GPR137B: variants seen among roughly 807,000 people sequenced by gnomAD.
GPR137B encodes the protein integral membrane protein GPR137B.
Under a neutral mutation model 42.5 loss-of-function variants are expected in GPR137B, and 42 were observed. The ratio of observed to expected loss-of-function variants is 0.99; its 90% CI spans 0.77 to 1.28. GPR137B has a LOEUF of 1.28. GPR137B is among the 50% of genes most tolerant of loss of function. The pLI, the probability that GPR137B is intolerant of heterozygous loss-of-function variation, is 0.00. For synonymous variants in GPR137B, 218 were observed against 209.7 expected, an observed-to-expected ratio of 1.04 and a Z score of -0.34; for missense variants, 487 against 493.9, an observed-to-expected ratio of 0.99 and a Z score of 0.13.
rs1459433325 is a variant in GPR137B at position 236,183,771 on chromosome 1, C to T, written c.838-7C>T. On this transcript the variant is annotated splice_region_variant and splice_polypyrimidine_tract_variant and intron_variant, in intron 4 of 6. Coordinates refer to ENST00000366592, the MANE Select transcript of GPR137B (RefSeq NM_003272.4). ...GTCTGATGACTCTCCCTGTCTGTTT[C>T]TAACAGGCAGATTTGAAGAATCAGC... is the stretch of plus-strand genomic sequence containing the variant. 6.2e-7 allele frequency: 1 copy of T among 1,601,536 alleles called. No homozygotes were observed. The highest frequency in any genetic ancestry group is 1.1e-5 in the South Asian group (1 of 89,894).
chr1:236,208,502 A>T lies in GPR137B; in HGVS notation c.*344A>T, dbSNP rs1451395164. On this transcript the variant is annotated 3_prime_UTR_variant, in exon 7 of 7. Coordinates refer to ENST00000366592, the MANE Select transcript of GPR137B (RefSeq NM_003272.4). ...ACTGCAATCATGTTGTAGTTTGCAC[A>T]GACTTTTATGCATAATTCACTTTAA... 1.1e-6 allele frequency: 1 copy of T among 950,120 alleles called. No homozygotes were observed. The highest frequency in any genetic ancestry group is 1.3e-6 in the Non-Finnish European group (1 of 785,942). The allele number at this position is 950,120 out of a possible 1,614,324, so 58.9% of individuals were successfully genotyped here. A position where few individuals can be genotyped will look rare whatever the true frequency, so the allele number is the denominator to read the frequency against.
At chr1:236,184,255 T>C (rs1268179843) in intron 5 of GPR137B, among the ~76,000 whole-genome samples, 1 of 151,902 alleles carries the variant, frequency 6.6e-6, no homozygotes, top group African/African-American at 2.4e-5. Flanking sequence ...CAAAGGAAAA[T>C]AGAGAATAGA....
intron 1 of GPR137B, among the ~76,000 whole-genome samples, chr1:236,165,775 A>G (rs552260422): frequency 6.6e-6 from 1 of 152,312 alleles, no homozygotes; most frequent in Non-Finnish European, 1.5e-5. Flanking sequence ...AGGCTCTGAC[A>G]ATTCCTGCAG....
intron 4 of GPR137B, among the ~76,000 whole-genome samples, chr1:236,180,746 A>G (rs1340474431): frequency 6.6e-6 from 1 of 151,034 alleles, no homozygotes; most frequent in Non-Finnish European, 1.5e-5. Flanking sequence ...CCTCCAGAGT[A>G]GCTGGGATAA....
chr1:236,167,755 T>A (rs1558484257), intron 1 of GPR137B, among the ~76,000 whole-genome samples: 1 of 152,050 alleles, frequency 6.6e-6, no homozygotes, highest in Non-Finnish European at 1.5e-5. Context: ...CCCACTGAGA[T>A]CCCCATGAGC....
At position 236,150,853 on chromosome 1, in the gene GPR137B, C is replaced by T. The variant is rs955905722; in HGVS notation, c.414+7817C>T. On this transcript the variant is annotated intron_variant, in intron 1 of 6. Coordinates refer to ENST00000366592, the MANE Select transcript of GPR137B (RefSeq NM_003272.4). The surrounding 1 kb of genome is among the most constrained non-coding windows in gnomAD (Gnocchi z 6.2). The stretch of plus-strand genomic sequence containing the variant: ...TCTCAGTGGAGTTCCAGGGCCCAGC[C>T]ATGGCTGTCCCGCTGCTGCTGTGCC... Among the ~76,000 whole-genome samples the T allele has an allele frequency of 6.6e-6, 1 of 152,202 alleles. No homozygotes were observed. Among genetic ancestry groups the T allele is most frequent in the Admixed American group, 6.5e-5 (1 of 15,280 alleles).
At chr1:236,187,829 A>G (rs1663078148) in intron 5 of GPR137B, among the ~76,000 whole-genome samples, 1 of 152,112 alleles carries the variant, frequency 6.6e-6, no homozygotes. Context: ...CTTTGGTTCC[A>G]TATGAAGTTT....
At chr1:236,154,018 G>C (rs1177780161) in intron 1 of GPR137B, among the ~76,000 whole-genome samples, 1 of 152,182 alleles carries the variant, frequency 6.6e-6, no homozygotes, top group Non-Finnish European at 1.5e-5. Flanking sequence ...CCCTGGTCCT[G>C]CTCCTAGGGC....
At chr1:236,180,925 T>G (rs532958698) in intron 4 of GPR137B, among the ~76,000 whole-genome samples, 1 of 152,208 alleles carries the variant, frequency 6.6e-6, no homozygotes, top group East Asian at 1.9e-4. Flanking sequence ...CAGTACTTAA[T>G]TTTTTTAACA....
intron 2 of GPR137B, among the ~76,000 whole-genome samples, chr1:236,177,304 C>G (rs772748944): frequency 7.9e-5 from 12 of 152,128 alleles, no homozygotes; most frequent in Non-Finnish European, 1.5e-4. Flanking sequence ...CCCTGCCCCT[C>G]TCTGTCTCTT....
At chr1:236,186,978 C>T (rs1025501823) in intron 5 of GPR137B, among the ~76,000 whole-genome samples, 3 of 152,122 alleles carry the variant, frequency 2.0e-5, no homozygotes, top group Admixed American at 6.6e-5. Flanking sequence ...AGTGTAAAAG[C>T]GTTCCTGTTT....
chr1:236,158,003 A>T (rs1247997834), intron 1 of GPR137B, among the ~76,000 whole-genome samples: 4 of 152,174 alleles, frequency 2.6e-5, no homozygotes, highest in African/African-American at 9.7e-5. Context: ...ACGAATCCAG[A>T]TTTACCTAGT....
intron 1 of GPR137B, among the ~76,000 whole-genome samples, chr1:236,147,445 C>T (rs1406932107): frequency 1.3e-5 from 2 of 152,244 alleles, no homozygotes; most frequent in African/African-American, 2.4e-5. Flanking sequence ...GGCCCCTTTT[C>T]GAAAAGCCCT....
chr1:236,199,867 T>A (rs1359960226), intron 5 of GPR137B, among the ~76,000 whole-genome samples: 2 of 152,066 alleles, frequency 1.3e-5, no homozygotes, highest in Admixed American at 1.3e-4. Flanking sequence ...TCTGCTCTGA[T>A]CTTTGTTATT....
At chr1:236,201,183 T>G (rs965054767) in intron 5 of GPR137B, among the ~76,000 whole-genome samples, 1 of 152,162 alleles carries the variant, frequency 6.6e-6, no homozygotes, top group South Asian at 2.1e-4. Context: ...CTTATAGGGT[T>G]TCTCCTGAGA....
chr1:236,165,011 TCTG>T (rs1322752556), intron 1 of GPR137B, among the ~76,000 whole-genome samples: 1 of 152,118 alleles, frequency 6.6e-6, no homozygotes, highest in African/African-American at 2.4e-5. Context: ...TTCAAGCAAT[TCTG>T]CTGCCTCAGC....
chr1:236,166,486 AT>A (rs1453199427), intron 1 of GPR137B, among the ~76,000 whole-genome samples: 5 of 137,902 alleles, frequency 3.6e-5, no homozygotes, highest in East Asian at 2.0e-4. Flanking sequence ...ATATATATTT[AT>A]ATATACATAT....
chr1:236,148,832 C>A (rs1421380009), intron 1 of GPR137B, among the ~76,000 whole-genome samples: 1 of 152,110 alleles, frequency 6.6e-6, no homozygotes, highest in Non-Finnish European at 1.5e-5. Flanking sequence ...GAGGAGGCAG[C>A]CCTGGGAGTG....
rs767955054 is a variant in GPR137B at position 236,194,925 on chromosome 1, G to A, written c.967-10201G>A. Among the ~76,000 whole-genome samples, 85 of 152,078 alleles carry A rather than the reference G, an allele frequency of 5.6e-4. 1 individual carries two copies. Among genetic ancestry groups the A allele is most frequent in the Non-Finnish European group, 1.8e-4 (12 of 68,000 alleles). ...TGCTCTCATGATTTATATCCAAATT[G>A]AACTATCTACTTTATTCTGGCTAAT... is the stretch of plus-strand genomic sequence containing the variant. On this transcript the variant is annotated intron_variant, in intron 5 of 6. Coordinates refer to ENST00000366592, the MANE Select transcript of GPR137B (RefSeq NM_003272.4).
Sources: gnomAD v4.1 joint callset for allele counts (sites outside exome capture counted in the v4.1 genomes callset) on GRCh38, gnomAD v4.1.1 for gene constraint, Gnocchi (gnomAD v3.1) non-coding constraint, MANE v1.5 for transcripts, NCBI Gene and HGNC (gene_info 2026-07-23, HGNC 2026-07-21) for gene names.